Variants in SPECC1 observed in about 807,000 individuals in gnomAD.
SPECC1 encodes the protein cytospin-B.
Under a neutral mutation model 104.1 loss-of-function variants are expected in SPECC1, and 62 were observed. That is an observed-to-expected ratio of 0.60 (90% CI 0.49 to 0.74). The LOEUF is 0.74. Among genes scored for constraint, SPECC1 ranks in the 30% least tolerant of loss-of-function variants. SPECC1 has a pLI of 0.00. For missense variants in SPECC1, 1,306 were observed against 1,310.5 expected (o/e 1.00, Z 0.05); for synonymous variants, 513 against 501.6 (o/e 1.02, Z -0.30).
intron 12 of SPECC1, among the ~76,000 whole-genome samples, chr17:20,261,611 A>G (rs897647876): frequency 6.6e-6 from 1 of 152,110 alleles, no homozygotes; most frequent in Non-Finnish European, 1.5e-5. Flanking sequence ...GCTTTGCCTA[A>G]TTCGCATAAA....
At chr17:20,223,202 A>T (rs1201929649) in intron 4 of SPECC1, among the ~76,000 whole-genome samples, 2 of 151,234 alleles carry the variant, frequency 1.3e-5, no homozygotes, top group Non-Finnish European at 2.9e-5. Context: ...TGTTTTGTAG[A>T]TCTTGTATGT....
chr17:20,102,105 GA>G (rs1173531514), intron 2 of SPECC1, among the ~76,000 whole-genome samples: 1 of 152,250 alleles, frequency 6.6e-6, no homozygotes, highest in Admixed American at 6.5e-5. Flanking sequence ...GAGCAAGCCA[GA>G]AATCTCAAGT....
At chr17:20,266,355 G>A (rs1456202310) in intron 12 of SPECC1, among the ~76,000 whole-genome samples, 3 of 152,010 alleles carry the variant, frequency 2.0e-5, no homozygotes, top group Admixed American at 6.5e-5. Flanking sequence ...AGGCTGAGGC[G>A]GGTGGATCAC....
Position 20,204,642 on chromosome 17 carries a change from G to C in SPECC1, c.593G>C (p.Arg198Thr). The change falls in exon 4 of 15, where the codon AGG becomes ACG. Residue 198 changes from arginine to threonine, a missense_variant. Physicochemically the swap from Arg to Thr is moderately conservative, Grantham distance 71 (BLOSUM62 -1). Transcript: ENST00000395527. ...RSELKKYKEK[R>T]TLNAEGTDAL... ...GAACTAAAGAAATACAAAGAGAAAAGGACTCTGAACGCTGAGGGGACTGAT... is the reference window on the plus strand; with the variant it reads ...GAACTAAAGAAATACAAAGAGAAAACGACTCTGAACGCTGAGGGGACTGAT... 1 of 1,614,128 alleles carries C rather than the reference G, an allele frequency of 6.2e-7. No homozygotes were observed. The highest frequency in any genetic ancestry group is 8.5e-7 in the Non-Finnish European group (1 of 1,180,024).
intron 12 of SPECC1, among the ~76,000 whole-genome samples, chr17:20,278,044 A>G (rs539710760): frequency 6.8e-6 from 1 of 147,450 alleles, no homozygotes; most frequent in Admixed American, 6.8e-5. Context: ...GAAAACCCTT[A>G]ACGACTCTGC....
At chr17:20,257,665 C>T (rs1363890239) in intron 11 of SPECC1, 58 bp downstream of exon 11, 5 of 1,591,438 alleles carry the variant, frequency 3.1e-6, no homozygotes, top group African/African-American at 1.4e-5. Flanking sequence ...ACCTTTTATT[C>T]TTCCTTCCGT....
chr17:20,106,780 C>T (rs2048219213), intron 2 of SPECC1, among the ~76,000 whole-genome samples: 2 of 152,162 alleles, frequency 1.3e-5, no homozygotes, highest in Admixed American at 6.5e-5. Flanking sequence ...ATTACCCAGT[C>T]TTGGGTATGT....
chr17:20,301,725 A>C (rs1391857858), intron 13 of SPECC1, among the ~76,000 whole-genome samples: 1 of 152,114 alleles, frequency 6.6e-6, no homozygotes, highest in East Asian at 1.9e-4. Context: ...TGCTGTTTTG[A>C]GACAGAGTCT....
chr17:20,096,252 C>T (rs2047637694), intron 1 of SPECC1, among the ~76,000 whole-genome samples: 1 of 152,012 alleles, frequency 6.6e-6, no homozygotes, highest in Admixed American at 6.5e-5. Flanking sequence ...CTTTGTCAAC[C>T]CTAAAGCCAC....
chr17:20,318,219 T>C lies in SPECC1; in HGVS notation c.*4154T>C, dbSNP rs2042064257. 1 of 232,182 alleles carries C rather than the reference T, an allele frequency of 4.3e-6. No individual in the cohort carries two copies. Among genetic ancestry groups the C allele is most frequent in the East Asian group, 6.1e-5 (1 of 16,452 alleles). The allele number at this position is 232,182 out of a possible 1,614,324, so 14.4% of individuals were successfully genotyped here. On this transcript the variant is annotated 3_prime_UTR_variant, in exon 15 of 15. Coordinates refer to ENST00000395527, the MANE Select transcript of SPECC1 (RefSeq NM_001243439.2). ...AAGCCCCAGTAGAGTTGGAGAGTTT[T>C]TCAAGGTGAGAAGTCGCTGTTCTCT...
At chr17:20,216,165 CACAA>C (rs2037476355) in intron 4 of SPECC1, among the ~76,000 whole-genome samples, 1 of 152,140 alleles carries the variant, frequency 6.6e-6, no homozygotes, top group Non-Finnish European at 1.5e-5. Context: ...GTCAAACCAT[CACAA>C]ACAGTTGTTT....
intron 13 of SPECC1, among the ~76,000 whole-genome samples, chr17:20,300,834 C>T (rs986590316): frequency 6.6e-6 from 1 of 152,320 alleles, no homozygotes; most frequent in African/African-American, 2.4e-5. Context: ...TGTAAGGCAG[C>T]GTGTGGAAGA....
intron 3 of SPECC1, among the ~76,000 whole-genome samples, chr17:20,163,419 ATTAAT>A (rs1474102787): frequency 6.6e-6 from 1 of 152,168 alleles, no homozygotes; most frequent in Admixed American, 6.5e-5. Context: ...ATTTGTGTTT[ATTAAT>A]TTAGTATATT....
intron 7 of SPECC1, 74 bp downstream of exon 7, chr17:20,232,479 C>A: frequency 6.8e-7 from 1 of 1,464,536 alleles, no homozygotes; most frequent in Non-Finnish European, 9.2e-7. Context: ...GGGGATGGGA[C>A]TCTTCATGTC....
At chr17:20,103,662 A>G (rs2048047626) in intron 2 of SPECC1, among the ~76,000 whole-genome samples, 1 of 152,058 alleles carries the variant, frequency 6.6e-6, no homozygotes, top group African/African-American at 2.4e-5. Flanking sequence ...TCCCTCTCCC[A>G]CATACATGTG....
At chr17:20,197,391 A>C (rs896078525) in intron 3 of SPECC1, among the ~76,000 whole-genome samples, 1 of 152,212 alleles carries the variant, frequency 6.6e-6, no homozygotes, top group East Asian at 1.9e-4. Flanking sequence ...AGGAGAAGAG[A>C]ATAGACAAGG....
At chr17:20,193,432 T>C (rs932555675) in intron 3 of SPECC1, among the ~76,000 whole-genome samples, 15 of 152,174 alleles carry the variant, frequency 9.9e-5, no homozygotes, top group African/African-American at 3.6e-4. Context: ...CCCCTCCCTT[T>C]TATAAGAGAA....
chr17:20,133,680 C>T (rs1021975454), intron 3 of SPECC1, among the ~76,000 whole-genome samples: 2 of 152,144 alleles, frequency 1.3e-5, no homozygotes, highest in Admixed American at 6.5e-5. Flanking sequence ...TCCAGAACCA[C>T]CTGTTGGGAT....
intron 1 of SPECC1, among the ~76,000 whole-genome samples, chr17:20,043,922 C>A: frequency 6.6e-6 from 1 of 152,090 alleles, no homozygotes; most frequent in East Asian, 1.9e-4. Context: ...GATTTGTGTG[C>A]CTGTGTCTCC....
Sources: gnomAD v4.1 joint callset for allele counts (sites outside exome capture counted in the v4.1 genomes callset) on GRCh38, gnomAD v4.1.1 for gene constraint, MANE v1.5 for transcripts, NCBI Gene and HGNC (gene_info 2026-07-23, HGNC 2026-07-21) for gene names.